Variants in MCC observed in about 807,000 individuals in gnomAD.
MCC encodes the protein colorectal mutant cancer protein.
A neutral mutation model predicts 116.2 loss-of-function variants in MCC; 90 were observed. The ratio of observed to expected loss-of-function variants is 0.77; its 90% confidence interval spans 0.65 to 0.92. The LOEUF is 0.92. MCC is among the 40% of genes least tolerant of loss of function. The pLI is 0.00. For missense variants in MCC, 1,516 were observed against 1,312.2 expected (o/e 1.16, Z -2.40); for synonymous variants, 578 against 510.5 (o/e 1.13, Z -1.78).
Position 113,081,301 on chromosome 5 carries a change from G to C in MCC, c.1784+1559C>G, listed in dbSNP as rs571756821. On this transcript the variant is annotated intron_variant, in intron 11 of 18. Transcript: ENST00000408903. ...AGCTACTTAATAGCTCTGGATTTAAGGCAAGTCACTCAACTTGGGACTTCA... is the reference window on the plus strand; with the variant it reads ...AGCTACTTAATAGCTCTGGATTTAACGCAAGTCACTCAACTTGGGACTTCA... Among the ~76,000 whole-genome samples the C allele has an allele frequency of 2.4e-3, 367 of 152,300 alleles. 2 individuals are homozygous for C. The highest frequency in any genetic ancestry group is 8.5e-3 in the African/African-American group (352 of 41,554).
chr5:113,077,895 T>C (rs988030958), intron 11 of MCC, among the ~76,000 whole-genome samples: 1 of 151,392 alleles, frequency 6.6e-6, no homozygotes, highest in South Asian at 2.1e-4. Context: ...ATCAACAAAA[T>C]TGATAGACCG....
intron 3 of MCC, among the ~76,000 whole-genome samples, chr5:113,289,328 CAAAA>C (rs11388557): frequency 2.3e-5 from 2 of 86,024 alleles, no homozygotes. Flanking sequence ...GGCTCCATCT[CAAAA>C]AAAAAAAAAA....
chr5:113,137,813 C>A (rs2150282446), intron 5 of MCC, among the ~76,000 whole-genome samples: 1 of 152,244 alleles, frequency 6.6e-6, no homozygotes, highest in Non-Finnish European at 1.5e-5. Context: ...TAGTTCGGAG[C>A]ATTTACCACA....
At chr5:113,160,318 C>T (rs533723977) in intron 3 of MCC, among the ~76,000 whole-genome samples, 6 of 152,346 alleles carry the variant, frequency 3.9e-5, no homozygotes, top group African/African-American at 1.2e-4. Context: ...ACAATCCCAT[C>T]CCATCTGTAA....
intron 1 of MCC, among the ~76,000 whole-genome samples, chr5:113,418,867 A>C (rs959595997): frequency 5.3e-5 from 8 of 152,326 alleles, no homozygotes; most frequent in Non-Finnish European, 1.5e-5. Context: ...ATGAGTTTCC[A>C]TGCTGCATCA....
intron 2 of MCC, among the ~76,000 whole-genome samples, chr5:113,382,270 CTTTTTTTT>C (rs112153904): frequency 7.3e-6 from 1 of 136,242 alleles, no homozygotes; most frequent in Non-Finnish European, 1.6e-5. Flanking sequence ...AATTATTGTC[CTTTTTTTT>C]TTTTTTTTTG....
intron 3 of MCC, among the ~76,000 whole-genome samples, chr5:113,211,379 T>C (rs558616103): frequency 6.6e-6 from 1 of 152,350 alleles, no homozygotes; most frequent in Admixed American, 6.5e-5. Flanking sequence ...CATGTTGTTA[T>C]AGTAGACCAA....
chr5:113,435,676 C>T (rs1770834888), intron 1 of MCC: 1 of 152,504 alleles, frequency 6.6e-6, no homozygotes, highest in East Asian at 1.9e-4. Context: ...CTGCCGCCTC[C>T]CTATACATCT....
At chr5:113,064,601 T>A (rs1401111357) in intron 13 of MCC, among the ~76,000 whole-genome samples, 1 of 152,244 alleles carries the variant, frequency 6.6e-6, no homozygotes, top group Admixed American at 6.5e-5. Flanking sequence ...TCTTTCCACA[T>A]GTCTACAGCT....
At chr5:113,080,410 C>A (rs1754769063) in intron 11 of MCC, among the ~76,000 whole-genome samples, 1 of 152,162 alleles carries the variant, frequency 6.6e-6, no homozygotes, top group African/African-American at 2.4e-5. Context: ...ACCCAAATGT[C>A]CATCAATGAT....
intron 3 of MCC, among the ~76,000 whole-genome samples, chr5:113,210,631 G>A (rs895530218): frequency 6.6e-6 from 1 of 152,098 alleles, no homozygotes; most frequent in Non-Finnish European, 1.5e-5. Context: ...CAGGTACTCA[G>A]GCAAACATGA....
chr5:113,254,977 C>A (rs1461979000), intron 3 of MCC, among the ~76,000 whole-genome samples: 1 of 152,098 alleles, frequency 6.6e-6, no homozygotes, highest in African/African-American at 2.4e-5. Flanking sequence ...CCAGCCTGAC[C>A]AACATGGTGA....
At chr5:113,399,579 C>T (rs746281925) in intron 1 of MCC, among the ~76,000 whole-genome samples, 5 of 151,580 alleles carry the variant, frequency 3.3e-5, no homozygotes, top group Non-Finnish European at 4.4e-5. Flanking sequence ...GCTTTTTTCC[C>T]CTCAGAACAT....
chr5:113,153,313 T>C (rs1260920908), intron 3 of MCC, among the ~76,000 whole-genome samples: 1 of 152,040 alleles, frequency 6.6e-6, no homozygotes, highest in Non-Finnish European at 1.5e-5. Flanking sequence ...CTTGAAGGGG[T>C]TGGGGGAGGC....
At chr5:113,056,208 T>C (rs1176565988) in intron 14 of MCC, among the ~76,000 whole-genome samples, 5 of 152,230 alleles carry the variant, frequency 3.3e-5, no homozygotes, top group Admixed American at 6.5e-5. Flanking sequence ...GAATATTCCC[T>C]GTCTTCTCAT....
chr5:113,370,305 G>C (rs1190110109), intron 2 of MCC, among the ~76,000 whole-genome samples: 8 of 152,046 alleles, frequency 5.3e-5, no homozygotes, highest in Admixed American at 5.2e-4. Flanking sequence ...TTTTCCCTTT[G>C]GACACTGAGG....
chr5:113,258,383 G>T (rs193160896), intron 3 of MCC, among the ~76,000 whole-genome samples: 1 of 152,326 alleles, frequency 6.6e-6, no homozygotes, highest in African/African-American at 2.4e-5. Flanking sequence ...GACTGGTACT[G>T]GTCTATGGCC....
In MCC at chr5:113,075,452, G is replaced by A. The variant is rs558103180; in HGVS notation, c.1785-4218C>T. Among the ~76,000 whole-genome samples, 48 of 152,330 alleles carry A rather than the reference G, an allele frequency of 3.2e-4. 1 individual carries two copies. The highest frequency in any genetic ancestry group is 2.0e-3 in the Admixed American group (30 of 15,306). ...TGGCACGGGACTGGCGGGCAGCTCCGCCAGCGGTCCCAGCGCAGGATCCAC... is the reference window on the plus strand; with the variant it reads ...TGGCACGGGACTGGCGGGCAGCTCCACCAGCGGTCCCAGCGCAGGATCCAC... On this transcript the variant is annotated intron_variant, in intron 11 of 18. Transcript: ENST00000408903.
chr5:113,091,902 A>ACC (rs1554117155), intron 8 of MCC, among the ~76,000 whole-genome samples: 1 of 145,682 alleles, frequency 6.9e-6, no homozygotes, highest in Non-Finnish European at 1.5e-5. Flanking sequence ...ACACACACAC[A>ACC]CCACACAAAC....
Sources: gnomAD v4.1 joint callset for allele counts (sites outside exome capture counted in the v4.1 genomes callset) on GRCh38, gnomAD v4.1.1 for gene constraint, MANE v1.5 for transcripts, NCBI Gene and HGNC (gene_info 2026-07-23, HGNC 2026-07-21) for gene names.